HOMER2: variants seen among roughly 807,000 people sequenced by gnomAD.
HOMER2 encodes homer protein homolog 2.
Under a neutral mutation model 47.0 loss-of-function variants are expected in HOMER2, and 27 were observed. That is an observed-to-expected ratio of 0.57 (90% CI 0.42 to 0.79). The LOEUF (loss-of-function observed/expected upper bound fraction) is 0.79, where lower values mean the gene tolerates loss of function less well. HOMER2 is among the 30% of genes least tolerant of loss of function. The pLI is 0.00. For missense variants in HOMER2, 443 were observed against 435.0 expected (o/e 1.02, Z -0.16); for synonymous variants, 161 against 163.8 (o/e 0.98, Z 0.13).
intron 1 of HOMER2, among the ~76,000 whole-genome samples, chr15:82,909,581 G>T (rs2053395560): frequency 6.6e-6 from 1 of 152,148 alleles, no homozygotes; most frequent in African/African-American, 2.4e-5. Flanking sequence ...ACTAAGGTCA[G>T]AGCAGGTAAT....
At chr15:82,957,710 G>A (rs553883405), upstream of HOMER2, among the ~76,000 whole-genome samples, 81 of 152,328 alleles carry the variant, frequency 5.3e-4, 1 homozygote, top group Admixed American at 1.6e-3. Flanking sequence ...CCAAGGGCCT[G>A]CCCTTAGGAA....
chr15:82,903,899 G>A (rs907575739), intron 1 of HOMER2, among the ~76,000 whole-genome samples: 1 of 152,222 alleles, frequency 6.6e-6, no homozygotes, highest in African/African-American at 2.4e-5. Context: ...CACTTTGGGA[G>A]GCCAAGGCGG....
intron 1 of HOMER2, among the ~76,000 whole-genome samples, chr15:82,948,265 C>T (rs1209392859): frequency 6.6e-6 from 1 of 152,068 alleles, no homozygotes; most frequent in Non-Finnish European, 1.5e-5. Flanking sequence ...GTGGCGGGCG[C>T]CTGTAGTCCC....
At chr15:82,961,079 G>A (rs1039845382) in intron 1 of HOMER2, among the ~76,000 whole-genome samples, 1 of 152,222 alleles carries the variant, frequency 6.6e-6, no homozygotes, top group African/African-American at 2.4e-5. Flanking sequence ...GACCAGTGAG[G>A]TGGCATTTCC....
chr15:82,954,442 C>G (rs975447552), upstream of HOMER2, among the ~76,000 whole-genome samples: 4 of 150,326 alleles, frequency 2.7e-5, no homozygotes, highest in Admixed American at 2.6e-4. Context: ...CGACTGCAGG[C>G]GCATGCCACC....
chr15:82,879,633 G>T (rs546339828), intron 2 of HOMER2, among the ~76,000 whole-genome samples: 1 of 152,322 alleles, frequency 6.6e-6, no homozygotes, highest in East Asian at 1.9e-4. Context: ...TGAACCTTCA[G>T]CAAATTGTAA....
chr15:82,882,733 G>A (rs2052564210), intron 2 of HOMER2, among the ~76,000 whole-genome samples: 1 of 152,174 alleles, frequency 6.6e-6, no homozygotes, highest in African/African-American at 2.4e-5. Flanking sequence ...GGCTGTGCCT[G>A]GCATGGAATG....
downstream of HOMER2, among the ~76,000 whole-genome samples, chr15:82,848,258 A>C (rs2051282269): frequency 6.6e-6 from 1 of 152,114 alleles, no homozygotes; most frequent in Non-Finnish European, 1.5e-5. Flanking sequence ...CATTAATCCA[A>C]ATTCAGCAGG....
In HOMER2 at chr15:82,935,617, C is replaced by T. The variant is rs149338518; in HGVS notation, c.5+16914G>A. ...TTGATACTGAATTTGACTCCCACACCCCCATCCTAACTTGCTCCTCTTCCA... is the reference window on the plus strand; with the variant it reads ...TTGATACTGAATTTGACTCCCACACTCCCATCCTAACTTGCTCCTCTTCCA... On this transcript the variant is annotated intron_variant, in intron 1 of 8. Transcript: ENST00000450735. Among the ~76,000 whole-genome samples, 526 of 152,258 alleles carry T rather than the reference C, an allele frequency of 3.5e-3. 6 individuals carry two copies. Among genetic ancestry groups the T allele is most frequent in the African/African-American group, 0.012 (503 of 41,544 alleles).
intron 1 of HOMER2, among the ~76,000 whole-genome samples, chr15:82,919,913 T>C (rs1043478982): frequency 1.3e-4 from 20 of 152,228 alleles, no homozygotes; most frequent in African/African-American, 4.6e-4. Flanking sequence ...TGTGATAATT[T>C]TTAATTTTTG....
chr15:82,940,771 C>A (rs188677522), intron 1 of HOMER2, among the ~76,000 whole-genome samples: 9 of 151,662 alleles, frequency 5.9e-5, no homozygotes, highest in Non-Finnish European at 1.2e-4. Context: ...CATGTGCCTG[C>A]GGCCCCAGCT....
intron 4 of HOMER2, among the ~76,000 whole-genome samples, chr15:82,860,956 T>TGAGAGAGAGAGAGAGAGAGA (rs56063630): frequency 0.031 from 1,285 of 42,102 alleles, 51 homozygotes; most frequent in African/African-American, 0.06. Flanking sequence ...AGATAGAAGA[T>TGAGAGAGAGAGAGAGAGAGA]GAGAGAGAGA....
chr15:82,836,705 A>G (rs754761828), downstream of HOMER2, among the ~76,000 whole-genome samples: 3 of 152,240 alleles, frequency 2.0e-5, no homozygotes, highest in Non-Finnish European at 4.4e-5. Flanking sequence ...GAGCTAGGCC[A>G]GTCAGACTTG....
chr15:82,876,063 G>A (rs2052340169), intron 2 of HOMER2, among the ~76,000 whole-genome samples: 1 of 152,182 alleles, frequency 6.6e-6, no homozygotes, highest in African/African-American at 2.4e-5. Context: ...GGAGGGGGAG[G>A]GGTCACGTAG....
At chr15:82,983,230 G>GTT (rs569151220) in intron 1 of HOMER2, among the ~76,000 whole-genome samples, 1 of 152,122 alleles carries the variant, frequency 6.6e-6, no homozygotes, top group South Asian at 2.1e-4. Flanking sequence ...GTTTGTATAG[G>GTT]TATTCAAAGT....
At chr15:82,872,586 G>A (rs568799321) in intron 3 of HOMER2, among the ~76,000 whole-genome samples, 3 of 152,138 alleles carry the variant, frequency 2.0e-5, no homozygotes, top group Admixed American at 2.0e-4. Context: ...GACCAATAAA[G>A]CCTTCCACGA....
chr15:82,913,590 G>A lies in HOMER2; in HGVS notation c.6-20749C>T, dbSNP rs2053504155. ...CAGCACTCTATCAGGCCATCTTCCTGAAAGCAACACAAACCCCTGCTTAGA... is the reference window on the plus strand; with the variant it reads ...CAGCACTCTATCAGGCCATCTTCCTAAAAGCAACACAAACCCCTGCTTAGA... On this transcript the variant is annotated intron_variant, in intron 1 of 8. Coordinates refer to ENST00000450735, the MANE Select transcript of HOMER2 (RefSeq NM_004839.4). The surrounding 1 kb of genome is among the most constrained non-coding windows in gnomAD (Gnocchi z 4.1). Among the ~76,000 whole-genome samples, 3 of 152,166 alleles carry A rather than the reference G, an allele frequency of 2.0e-5. No individual in the cohort carries two copies. In the East Asian group the frequency reaches 5.8e-4, roughly 29 times the overall value.
At chr15:82,859,948 T>C (rs2051719705) in intron 4 of HOMER2, among the ~76,000 whole-genome samples, 1 of 151,848 alleles carries the variant, frequency 6.6e-6, no homozygotes, top group Non-Finnish European at 1.5e-5. Flanking sequence ...CAGCAGTACA[T>C]ATGAAAAACA....
chr15:82,881,360 C>T (rs1009683327), intron 2 of HOMER2, among the ~76,000 whole-genome samples: 5 of 152,182 alleles, frequency 3.3e-5, no homozygotes, highest in Non-Finnish European at 7.4e-5. Flanking sequence ...CCATCGGATT[C>T]CTTTCATGAG....
Sources: allele counts gnomAD v4.1 joint callset (sites outside exome capture counted in the v4.1 genomes callset), GRCh38; gene constraint gnomAD v4.1.1; non-coding constraint Gnocchi (gnomAD v3.1); transcripts MANE v1.5; gene names NCBI Gene and HGNC (gene_info 2026-07-23, HGNC 2026-07-21).